Variants in SAMMSON observed in about 807,000 individuals in gnomAD.
SAMMSON encodes survival associated mitochondrial melanoma specific oncogenic non-coding RNA, also known as long intergenic non-protein coding RNA 1212.
At chr3:70,181,466 G>A (rs1701052698) in intron 4 of SAMMSON, among the ~76,000 whole-genome samples, 3 of 152,180 alleles carry the variant, frequency 2.0e-5, no homozygotes, top group African/African-American at 4.8e-5. Flanking sequence ...GCAGACCAGG[G>A]ATAAAGTCCA....
At chr3:70,237,277 A>G (rs1371645194) in intron 4 of SAMMSON, among the ~76,000 whole-genome samples, 2 of 152,230 alleles carry the variant, frequency 1.3e-5, no homozygotes. Context: ...CATATTCTCC[A>G]GTGCGGATAC....
intron 4 of SAMMSON, among the ~76,000 whole-genome samples, chr3:70,157,764 C>T (rs2067597521): frequency 6.6e-6 from 1 of 152,062 alleles, no homozygotes; most frequent in Admixed American, 6.6e-5. Flanking sequence ...TGAACCCTGC[C>T]TCCTTTAATT....
At chr3:70,233,411 T>G (rs1050999916) in intron 4 of SAMMSON, among the ~76,000 whole-genome samples, 4 of 152,178 alleles carry the variant, frequency 2.6e-5, no homozygotes, top group Non-Finnish European at 5.9e-5. Context: ...ATATCTCATT[T>G]TAAATCACTT....
downstream of SAMMSON, among the ~76,000 whole-genome samples, chr3:70,391,575 G>A (rs956921237): frequency 6.6e-6 from 1 of 151,984 alleles, no homozygotes; most frequent in Non-Finnish European, 1.5e-5. Flanking sequence ...AATTGTTTGT[G>A]TTCACTATAA....
chr3:70,072,921 T>C (rs1288042411), intron 4 of SAMMSON, among the ~76,000 whole-genome samples: 5 of 152,076 alleles, frequency 3.3e-5, no homozygotes, highest in African/African-American at 9.7e-5. Context: ...CCATTCTTAA[T>C]TGGGCTCATT....
downstream of SAMMSON, among the ~76,000 whole-genome samples, chr3:70,393,350 T>C (rs944274296): frequency 1.3e-5 from 2 of 152,198 alleles, no homozygotes; most frequent in African/African-American, 4.8e-5. Context: ...AGACAGTATA[T>C]ATAAAGTGCT....
intron 4 of SAMMSON, among the ~76,000 whole-genome samples, chr3:70,217,104 C>T (rs1412495376): frequency 6.6e-6 from 1 of 151,960 alleles, no homozygotes. Flanking sequence ...CATGTATTTC[C>T]CACCCTTGAC....
chr3:70,324,077 C>T (rs1702558363), intron 7 of SAMMSON, among the ~76,000 whole-genome samples: 2 of 152,098 alleles, frequency 1.3e-5, no homozygotes, highest in Admixed American at 1.3e-4. Flanking sequence ...AGAAAGATGA[C>T]AGCCCTACAG....
At chr3:70,082,438 G>A (rs1440635702) in intron 4 of SAMMSON, among the ~76,000 whole-genome samples, 3 of 152,186 alleles carry the variant, frequency 2.0e-5, no homozygotes, top group Non-Finnish European at 1.5e-5. Flanking sequence ...TCTGAGAATG[G>A]AAGGTTAAAC....
At chr3:70,427,732 C>T (rs1329002857) in intron 2 of SAMMSON, among the ~76,000 whole-genome samples, 4 of 125,288 alleles carry the variant, frequency 3.2e-5, no homozygotes, top group African/African-American at 8.9e-5. Context: ...AGCGAAACTC[C>T]GTCTCAAAAA....
intron 4 of SAMMSON, among the ~76,000 whole-genome samples, chr3:70,132,633 C>A (rs1242116186): frequency 1.3e-5 from 2 of 151,972 alleles, no homozygotes; most frequent in East Asian, 3.9e-4. Context: ...AGAAATAAAA[C>A]TCTCCTTTCC....
chr3:70,261,155 G>A (rs901013033), intron 6 of SAMMSON, among the ~76,000 whole-genome samples: 23 of 152,148 alleles, frequency 1.5e-4, no homozygotes, highest in Admixed American at 1.5e-3. Context: ...TTGTATTTCA[G>A]TTTGGTTCCC....
At chr3:70,027,505 G>T (rs940835281) in intron 3 of SAMMSON, among the ~76,000 whole-genome samples, 9 of 152,164 alleles carry the variant, frequency 5.9e-5, no homozygotes, top group Admixed American at 2.0e-4. Context: ...ACTAATTTTA[G>T]AAACCTTCCC....
At chr3:70,293,813 G>A (rs534850919) in intron 7 of SAMMSON, among the ~76,000 whole-genome samples, 2 of 152,026 alleles carry the variant, frequency 1.3e-5, no homozygotes, top group East Asian at 1.9e-4. Context: ...AAGACCTTAG[G>A]AACCTGGTTA....
rs116144346 is a variant in SAMMSON at position 70,109,798 on chromosome 3, A to G, written n.507+38233A>G. On this transcript the variant is annotated intron_variant and non_coding_transcript_variant, in intron 4 of 9. Coordinates refer to ENST00000642114, the Ensembl canonical transcript of SAMMSON. The stretch of plus-strand genomic sequence containing the variant: ...ATACTGCCTCCTTAAAAGATCCTCT[A>G]AGGACTTCCCAGATAAAATTAATTA... 2.6e-3 allele frequency among the ~76,000 whole-genome samples: 394 copies of G among 152,284 alleles called. 1 individual carries two copies. The highest frequency in any genetic ancestry group is 9.1e-3 in the African/African-American group (377 of 41,560).
intron 4 of SAMMSON, among the ~76,000 whole-genome samples, chr3:70,161,246 G>C (rs1320070200): frequency 6.6e-6 from 1 of 151,918 alleles, no homozygotes. Flanking sequence ...TTCTTATCCT[G>C]TTCCCAATCT....
chr3:70,215,080 T>A (rs1332874669), intron 4 of SAMMSON, among the ~76,000 whole-genome samples: 2 of 152,148 alleles, frequency 1.3e-5, no homozygotes, highest in Non-Finnish European at 2.9e-5. Context: ...ATATTCTCTA[T>A]TATGTTAAAA....
intron 4 of SAMMSON, among the ~76,000 whole-genome samples, chr3:70,187,507 G>A (rs141136752): frequency 2.3e-5 from 3 of 131,442 alleles, no homozygotes; most frequent in Non-Finnish European, 4.6e-5. Flanking sequence ...GCGCGATCTC[G>A]ACTCACTGCA....
At chr3:70,262,699 C>T (rs1476916018) in intron 6 of SAMMSON, among the ~76,000 whole-genome samples, 1 of 152,116 alleles carries the variant, frequency 6.6e-6, no homozygotes, top group Admixed American at 6.6e-5. Context: ...ACCATGCTTG[C>T]CTTGCTTGGG....
Sources: allele counts gnomAD v4.1 joint callset (sites outside exome capture counted in the v4.1 genomes callset), GRCh38; gene constraint gnomAD v4.1.1; transcripts MANE v1.5; gene names NCBI Gene and HGNC (gene_info 2026-07-23, HGNC 2026-07-21).